LZTS1: variants seen among roughly 807,000 people sequenced by gnomAD.
The protein encoded by LZTS1 is leucine zipper putative tumor suppressor 1.
Under a neutral mutation model 45.8 loss-of-function variants are expected in LZTS1, and 31 were observed. The observed-to-expected ratio is 0.68, with a 90% CI of 0.51 to 0.91. The LOEUF (loss-of-function observed/expected upper bound fraction) is 0.91. Ranked by LOEUF, LZTS1 falls within the 40% of genes least tolerant of loss-of-function variation. The probability of loss-of-function intolerance (pLI) is 0.00; values close to 1 mark genes in which losing one functional copy is unlikely to be tolerated. For missense variants in LZTS1, 821 were observed against 788.9 expected, an observed-to-expected ratio of 1.04 and a Z score of -0.49; for synonymous variants, 359 against 357.3, an observed-to-expected ratio of 1.00 and a Z score of -0.05.
At chr8:20,303,225 C>T (rs1182955106) in intron 1 of LZTS1, among the ~76,000 whole-genome samples, 1 of 152,186 alleles carries the variant, frequency 6.6e-6, no homozygotes, top group African/African-American at 2.4e-5. Flanking sequence ...TTGAGGGAAA[C>T]CTTTCAAATC....
At chr8:20,264,729 C>T (rs924278727) in intron 1 of LZTS1, among the ~76,000 whole-genome samples, 15 of 152,272 alleles carry the variant, frequency 9.9e-5, no homozygotes, top group South Asian at 4.1e-4. Flanking sequence ...GGACCTCGGC[C>T]GTCCTCTGCC....
intron 1 of LZTS1, among the ~76,000 whole-genome samples, chr8:20,280,944 T>C (rs918858646): frequency 2.6e-5 from 4 of 152,230 alleles, no homozygotes; most frequent in African/African-American, 7.2e-5. Context: ...AGGTCTAGGC[T>C]GATGATCTGC....
chr8:20,259,327 G>C (rs1213200406), intron 1 of LZTS1, among the ~76,000 whole-genome samples: 1 of 152,186 alleles, frequency 6.6e-6, no homozygotes, highest in Non-Finnish European at 1.5e-5. Flanking sequence ...ACAGATGTGT[G>C]CACGATATGT....
At chr8:20,268,636 T>C (rs1251832383) in intron 1 of LZTS1, among the ~76,000 whole-genome samples, 2 of 151,876 alleles carry the variant, frequency 1.3e-5, no homozygotes, top group Admixed American at 6.6e-5. Context: ...AAGGCCTACA[T>C]GAGCAAAGCT....
At chr8:20,255,556 C>G (rs1800078514) in intron 1 of LZTS1, among the ~76,000 whole-genome samples, 1 of 152,190 alleles carries the variant, frequency 6.6e-6, no homozygotes, top group Non-Finnish European at 1.5e-5. Flanking sequence ...AAAACAGTCA[C>G]AGTCCCTGCA....
At chr8:20,285,208 C>G (rs1218728849) in intron 1 of LZTS1, among the ~76,000 whole-genome samples, 1 of 152,228 alleles carries the variant, frequency 6.6e-6, no homozygotes, top group African/African-American at 2.4e-5. Context: ...GATTCTCCCT[C>G]CTTTTACTCA....
Position 20,285,372 on chromosome 8 carries a change from G to A in LZTS1, c.-135+18368C>T, listed in dbSNP as rs9886409. ...TAGTGAGCCCCACTATGTCTCTGGG[G>A]CTTATCCATAATCTCATTTACTTCT... On this transcript the variant is annotated intron_variant, in intron 1 of 3. Transcript: ENST00000381569. Among the ~76,000 whole-genome samples the A allele has an allele frequency of 6.2e-3, 942 of 152,156 alleles. 12 individuals carry two copies. The highest frequency in any genetic ancestry group is 0.022 in the African/African-American group (896 of 41,512).
chr8:20,297,768 A>C (rs1386589088), intron 1 of LZTS1, among the ~76,000 whole-genome samples: 1 of 152,164 alleles, frequency 6.6e-6, no homozygotes, highest in African/African-American at 2.4e-5. Flanking sequence ...CACTTAGGGA[A>C]AAGGGAGATG....
At chr8:20,303,139 C>T (rs748294991) in intron 1 of LZTS1, among the ~76,000 whole-genome samples, 6 of 152,172 alleles carry the variant, frequency 3.9e-5, no homozygotes, top group Non-Finnish European at 1.5e-5. Flanking sequence ...CAGGAAGCTG[C>T]AGCCCCAGGG....
At chr8:20,259,954 T>C (rs1417210846) in intron 1 of LZTS1, among the ~76,000 whole-genome samples, 1 of 152,184 alleles carries the variant, frequency 6.6e-6, no homozygotes, top group African/African-American at 2.4e-5. Context: ...TGGACTGCAG[T>C]AGGTAACAGT....
intron 1 of LZTS1, among the ~76,000 whole-genome samples, chr8:20,301,817 C>T (rs1343452956): frequency 6.6e-6 from 1 of 152,082 alleles, no homozygotes; most frequent in Admixed American, 6.6e-5. Flanking sequence ...CAGCTGGGGG[C>T]ACCTCCTGCA....
In LZTS1 at chr8:20,246,430, G is replaced by A. The variant is rs534935030; in HGVS notation, c.*3292C>T. On this transcript the variant is annotated 3_prime_UTR_variant, in exon 4 of 4. Transcript: ENST00000381569. ...GCACAAGAGGTGGGTGAGCAGCCCC[G>A]CTGGCCCAGGGGTGCAGCCTCTGTC... 1.0e-3 allele frequency: 159 copies of A among 152,426 alleles called. 4 individuals are homozygous for A. In the South Asian group the frequency reaches 0.029, roughly 27 times the overall value. The allele number at this position is 152,426 out of a possible 1,614,324, so 9.4% of individuals were successfully genotyped here.
At chr8:20,289,822 G>C (rs550735038) in intron 1 of LZTS1, 3 of 152,204 alleles carry the variant, frequency 2.0e-5, no homozygotes, top group African/African-American at 7.2e-5. Context: ...CTGACTCCCC[G>C]AAGCAAGGTC....
At chr8:20,253,954 C>G (rs566408738) in intron 2 of LZTS1, among the ~76,000 whole-genome samples, 1 of 152,314 alleles carries the variant, frequency 6.6e-6, no homozygotes, top group South Asian at 2.1e-4. Context: ...AGGTCCATCC[C>G]TTCTTCCTGT....
intron 1 of LZTS1, among the ~76,000 whole-genome samples, chr8:20,262,889 C>T (rs922076262): frequency 1.3e-5 from 2 of 152,096 alleles, no homozygotes; most frequent in African/African-American, 2.4e-5. Context: ...GTTTAAAACC[C>T]CAGTTGAGTC....
intron 1 of LZTS1, among the ~76,000 whole-genome samples, chr8:20,292,325 C>CT (rs1384172808): frequency 6.6e-6 from 1 of 152,228 alleles, no homozygotes; most frequent in Non-Finnish European, 1.5e-5. Context: ...CTGGAAATCT[C>CT]TCCCTATGTA....
chr8:20,259,943 C>T (rs1563866389), intron 1 of LZTS1, among the ~76,000 whole-genome samples: 1 of 151,560 alleles, frequency 6.6e-6, no homozygotes, highest in Admixed American at 6.6e-5. Flanking sequence ...GTCATCCAAG[C>T]TGGACTGCAG....
chr8:20,276,382 A>G (rs1585294424), intron 1 of LZTS1, among the ~76,000 whole-genome samples: 1 of 152,232 alleles, frequency 6.6e-6, no homozygotes, highest in East Asian at 1.9e-4. Flanking sequence ...CTGAAGGTTA[A>G]GTTGATCACC....
At chr8:20,262,245 G>C (rs1800249144) in intron 1 of LZTS1, among the ~76,000 whole-genome samples, 1 of 152,208 alleles carries the variant, frequency 6.6e-6, no homozygotes, top group Non-Finnish European at 1.5e-5. Context: ...TGATGGGGCT[G>C]CACTGTGGGG....
Sources: gnomAD v4.1 joint callset for allele counts (sites outside exome capture counted in the v4.1 genomes callset) on GRCh38, gnomAD v4.1.1 for gene constraint, MANE v1.5 for transcripts, NCBI Gene and HGNC (gene_info 2026-07-23, HGNC 2026-07-21) for gene names.